TENM2: variants seen among roughly 807,000 people sequenced by gnomAD.
TENM2 encodes the protein teneurin-2.
In TENM2, 52 loss-of-function variants were observed where a neutral mutation model predicts 245.2. That is an observed-to-expected ratio of 0.21 (90% confidence interval 0.17 to 0.27). The LOEUF is 0.27. Ranked by LOEUF, TENM2 falls within the 10% of genes least tolerant of loss-of-function variation. The pLI is 1.00. For synonymous variants in TENM2, 1,363 were observed against 1,438.9 expected (o/e 0.95, Z 1.19); for missense variants, 3,046 against 3,666.8 (o/e 0.83, Z 4.37).
At chr5:167,146,519 G>A in the TENM2 span, among the ~76,000 whole-genome samples, 15 of 152,196 alleles carry the variant, frequency 9.9e-5, no homozygotes, top group African/African-American at 3.4e-4. Context: ...AGTACTCTGC[G>A]GAGTGGAAAT....
At chr5:167,877,604 T>C (rs17526010) in intron 3 of TENM2, among the ~76,000 whole-genome samples, 36,751 of 152,102 alleles carry the variant, frequency 0.24, 5,935 homozygotes, top group East Asian at 0.74. Context: ...ATAACTAGCA[T>C]AACCACACAG....
chr5:167,780,706 A>G (rs879327620), intron 2 of TENM2, among the ~76,000 whole-genome samples: 4 of 152,188 alleles, frequency 2.6e-5, no homozygotes, highest in Non-Finnish European at 4.4e-5. Context: ...AAGCTCACAT[A>G]CAACAAAGCT....
At chr5:167,157,035 G>A in the TENM2 span, among the ~76,000 whole-genome samples, 1 of 152,022 alleles carries the variant, frequency 6.6e-6, no homozygotes, top group Non-Finnish European at 1.5e-5. Flanking sequence ...TTTCATGCAG[G>A]TGTGCTTCAT....
chr5:167,883,594 ATTC>A (rs1774050267), intron 3 of TENM2, among the ~76,000 whole-genome samples: 1 of 152,178 alleles, frequency 6.6e-6, no homozygotes, highest in Admixed American at 6.5e-5. Flanking sequence ...TATTGACAAA[ATTC>A]TCAGGGTCGA....
At chr5:167,351,491 G>A (rs542669106) in intron 1 of TENM2, among the ~76,000 whole-genome samples, 6 of 152,264 alleles carry the variant, frequency 3.9e-5, no homozygotes, top group African/African-American at 1.4e-4. Context: ...GGTTCACTGA[G>A]CAATAGCTCC....
chr5:167,657,730 CAT>C (rs1262482913), intron 2 of TENM2, among the ~76,000 whole-genome samples: 1 of 152,212 alleles, frequency 6.6e-6, no homozygotes, highest in Admixed American at 6.5e-5. Flanking sequence ...GCTGAGTAAA[CAT>C]AGGCTATACT....
At chr5:167,334,472 T>G (rs995843250) in intron 1 of TENM2, among the ~76,000 whole-genome samples, 1 of 152,246 alleles carries the variant, frequency 6.6e-6, no homozygotes. Flanking sequence ...CTCTACCTCT[T>G]TCTCTGAAAA....
At chr5:167,246,939 G>A in the TENM2 span, among the ~76,000 whole-genome samples, 103 of 152,014 alleles carry the variant, frequency 6.8e-4, no homozygotes, top group Non-Finnish European at 1.4e-3. Flanking sequence ...CATTCATTTT[G>A]ACAAGTTTAT....
At chr5:167,629,263 G>T (rs1235224031) in intron 2 of TENM2, among the ~76,000 whole-genome samples, 1 of 152,138 alleles carries the variant, frequency 6.6e-6, no homozygotes, top group South Asian at 2.1e-4. Flanking sequence ...GTGACATTAG[G>T]TGAATTTCTT....
chr5:167,746,541 G>A (rs1012937879), intron 2 of TENM2, among the ~76,000 whole-genome samples: 1 of 152,068 alleles, frequency 6.6e-6, no homozygotes, highest in African/African-American at 2.4e-5. Context: ...TGAATTACGT[G>A]GAACCAACTG....
chr5:167,896,281 A>G (rs1289635122), intron 3 of TENM2, among the ~76,000 whole-genome samples: 2 of 152,192 alleles, frequency 1.3e-5, no homozygotes, highest in African/African-American at 2.4e-5. Context: ...ACGAGAAAAC[A>G]TGGGGCCTTT....
rs149027014 is a variant in TENM2, at chr5:167,734,065, T to C, written c.503-141921T>C. Among the ~76,000 whole-genome samples the C allele has an allele frequency of 1.8e-3, 271 of 152,320 alleles. 1 individual carries two copies. The highest frequency in any genetic ancestry group is 3.1e-3 in the Non-Finnish European group (208 of 68,022). On this transcript the variant is annotated intron_variant, in intron 2 of 28. Coordinates refer to ENST00000518659, the Ensembl canonical transcript of TENM2. ...TTGCTGCATTGTTCTGGAGAGGTCT[T>C]ATTTCCACTATGTGCTGATGGACTT...
At chr5:167,000,618 T>A in the TENM2 span, among the ~76,000 whole-genome samples, 10 of 152,310 alleles carry the variant, frequency 6.6e-5, no homozygotes, top group Non-Finnish European at 1.0e-4. Flanking sequence ...ATATTTATTC[T>A]GGTCTGATTG....
Position 167,452,931 on chromosome 5 carries a change from TTATA to T in TENM2, c.502+77486_502+77489del, listed in dbSNP as rs1554157697. Among the ~76,000 whole-genome samples the T allele has an allele frequency of 3.9e-3, 19 of 4,886 alleles. 2 individuals carry two copies. Among genetic ancestry groups the T allele is most frequent in the African/African-American group, 6.8e-3 (19 of 2,780 alleles). The allele number at this position is 4,886 out of a possible 152,430, so 3.2% of individuals were successfully genotyped here. A position where few individuals can be genotyped will look rare whatever the true frequency, so the allele number is the denominator to read the frequency against. On this transcript the variant is annotated intron_variant, in intron 2 of 28. Coordinates refer to ENST00000518659, the Ensembl canonical transcript of TENM2. The stretch of plus-strand genomic sequence containing the variant: ...TGTACCCTAGAACTTAAAGTATGAT[TTATA>T]TATATATATATATATATATATATAT...
the TENM2 span, among the ~76,000 whole-genome samples, chr5:167,146,579 G>T: frequency 1.3e-5 from 2 of 152,078 alleles, no homozygotes; most frequent in Admixed American, 1.3e-4. Flanking sequence ...ATTGAATGAG[G>T]GGAACGATCC....
At chr5:167,911,391 G>A (rs1455495560) in intron 3 of TENM2, among the ~76,000 whole-genome samples, 1 of 152,212 alleles carries the variant, frequency 6.6e-6, no homozygotes, top group Non-Finnish European at 1.5e-5. Flanking sequence ...GCTGGGCGTG[G>A]TGGCGGGCGC....
At chr5:167,150,589 CT>C in the TENM2 span, among the ~76,000 whole-genome samples, 1 of 152,144 alleles carries the variant, frequency 6.6e-6, no homozygotes, top group Non-Finnish European at 1.5e-5. Context: ...ATTCTAAATG[CT>C]TTATTCATTT....
chr5:167,049,888 T>A, the TENM2 span, among the ~76,000 whole-genome samples: 1 of 152,226 alleles, frequency 6.6e-6, no homozygotes, highest in Admixed American at 6.5e-5. Context: ...GGACTAGTCA[T>A]CTTTCTAATG....
chr5:167,346,719 C>T (rs1450060812), intron 1 of TENM2, among the ~76,000 whole-genome samples: 1 of 152,100 alleles, frequency 6.6e-6, no homozygotes, highest in Admixed American at 6.5e-5. Flanking sequence ...TTTGTACGCA[C>T]AGCAAGGAAT....
Sources: gnomAD v4.1 joint callset for allele counts (sites outside exome capture counted in the v4.1 genomes callset) on GRCh38, gnomAD v4.1.1 for gene constraint, MANE v1.5 for transcripts, NCBI Gene and HGNC (gene_info 2026-07-23, HGNC 2026-07-21) for gene names.